The following SH3BGRL variants were observed in gnomAD, a reference collection of about 807,000 sequenced individuals.
The protein encoded by SH3BGRL is adapter SH3BGRL.
SH3BGRL carries 7 observed loss-of-function variants against 9.8 expected under a neutral mutation model. The ratio of observed to expected loss-of-function variants is 0.72; its 90% confidence interval spans 0.41 to 1.35. The LOEUF is 1.35. Among genes scored for constraint, SH3BGRL ranks in the 40% most tolerant of loss-of-function variants. SH3BGRL has a pLI of 0.01. For missense variants in SH3BGRL, 73 were observed against 84.4 expected, an observed-to-expected ratio of 0.86 and a Z score of 0.53; for synonymous variants, 36 against 29.1, an observed-to-expected ratio of 1.24 and a Z score of -0.76.
chrX:81,247,203 G>T (rs902402528), intron 1 of SH3BGRL, among the ~76,000 whole-genome samples: 1 of 111,988 alleles, frequency 8.9e-6, no homozygotes, highest in African/African-American at 3.2e-5. Flanking sequence ...TTTCCAAGAG[G>T]CTTCTGGAAG....
intron 3 of SH3BGRL, among the ~76,000 whole-genome samples, chrX:81,284,285 A>G (rs952300794): frequency 2.6e-4 from 29 of 110,758 alleles, no homozygotes; most frequent in African/African-American, 8.9e-4. Flanking sequence ...AAATACCACT[A>G]TCCTTCTTCA....
intron 1 of SH3BGRL, among the ~76,000 whole-genome samples, chrX:81,260,436 G>A (rs1192992706): frequency 9.0e-6 from 1 of 111,478 alleles, no homozygotes; most frequent in Non-Finnish European, 1.9e-5. Context: ...TTAGCACAGT[G>A]CCTGGCCCAT....
At chrX:81,233,560 A>G (rs764758781) in intron 1 of SH3BGRL, among the ~76,000 whole-genome samples, 9 of 111,388 alleles carry the variant, frequency 8.1e-5, no homozygotes, top group Non-Finnish European at 1.3e-4. Flanking sequence ...TTACACTGAC[A>G]TGACTTTGGC....
chrX:81,243,402 G>T (rs1569362461), intron 1 of SH3BGRL, among the ~76,000 whole-genome samples: 2 of 111,860 alleles, frequency 1.8e-5, no homozygotes, highest in Non-Finnish European at 3.8e-5. Context: ...GGTAGCGAGG[G>T]GGTCGGGAGG....
intron 1 of SH3BGRL, among the ~76,000 whole-genome samples, chrX:81,256,137 AG>A (rs1276512951): frequency 8.9e-6 from 1 of 112,194 alleles, no homozygotes; most frequent in East Asian, 2.8e-4. Flanking sequence ...GGATTTTCAC[AG>A]TGAACACTAG....
intron 1 of SH3BGRL, 159 bp downstream of exon 1, chrX:81,202,404 G>C: frequency 1.0e-6 from 1 of 999,495 alleles, no homozygotes; most frequent in Non-Finnish European, 1.3e-6. Context: ...TCCCTTTGTT[G>C]CATCGATTTC....
Position 81,252,388 on chromosome X carries a change from G to A in SH3BGRL, c.46-24596G>A, listed in dbSNP as rs778311032. Among the ~76,000 whole-genome samples the A allele has an allele frequency of 1.7e-4, 19 of 111,884 alleles. No homozygotes were observed. The East Asian group carries it at 5.0e-3, about 30-fold the overall frequency. ...TGTTGGATCACTAAGTGATACTTTA[G>A]AATAAATCATCTAAGATACTTTAGA... On this transcript the variant is annotated intron_variant, in intron 1 of 3. Transcript: ENST00000373212.
At chrX:81,259,761 T>G (rs2075735725) in intron 1 of SH3BGRL, among the ~76,000 whole-genome samples, 1 of 112,031 alleles carries the variant, frequency 8.9e-6, no homozygotes. Flanking sequence ...TCATTTTCTG[T>G]AGCCACCTAT....
intron 1 of SH3BGRL, among the ~76,000 whole-genome samples, chrX:81,240,247 CAG>C (rs1242938924): frequency 9.0e-6 from 1 of 111,671 alleles, no homozygotes. Context: ...AATATGTAAA[CAG>C]AAACAGCAGA....
intron 1 of SH3BGRL, among the ~76,000 whole-genome samples, chrX:81,233,113 T>A (rs191661844): frequency 9.0e-6 from 1 of 111,599 alleles, no homozygotes; most frequent in East Asian, 2.8e-4. Context: ...AAAGTGGAAA[T>A]CTTCTATAAT....
intron 1 of SH3BGRL, among the ~76,000 whole-genome samples, chrX:81,244,134 G>A (rs1190144648): frequency 9.0e-6 from 1 of 110,852 alleles, no homozygotes; most frequent in Non-Finnish European, 1.9e-5. Context: ...TAAAATCCTT[G>A]TATCTAACAT....
intron 3 of SH3BGRL, among the ~76,000 whole-genome samples, chrX:81,290,847 T>C (rs1281651955): frequency 9.0e-6 from 1 of 110,743 alleles, no homozygotes; most frequent in Non-Finnish European, 1.9e-5. Context: ...TAAATATATA[T>C]ACCTACTATG....
intron 1 of SH3BGRL, among the ~76,000 whole-genome samples, chrX:81,249,002 G>C (rs1176977083): frequency 8.9e-6 from 1 of 111,831 alleles, no homozygotes; most frequent in African/African-American, 3.3e-5. Flanking sequence ...TCACAATTCT[G>C]GTGGATTCCC....
intron 1 of SH3BGRL, among the ~76,000 whole-genome samples, chrX:81,250,090 C>A (rs2075704449): frequency 9.2e-6 from 1 of 109,033 alleles, no homozygotes; most frequent in South Asian, 3.9e-4. Context: ...TATGGACTTG[C>A]TTTTTCTTTC....
intron 3 of SH3BGRL, among the ~76,000 whole-genome samples, chrX:81,291,786 G>A (rs2075858794): frequency 8.9e-6 from 1 of 112,133 alleles, no homozygotes; most frequent in African/African-American, 3.2e-5. Flanking sequence ...ATTACAAAAG[G>A]GGGAAATTGG....
intron 1 of SH3BGRL, among the ~76,000 whole-genome samples, chrX:81,262,512 T>C (rs1315061370): frequency 9.0e-6 from 1 of 111,361 alleles, no homozygotes; most frequent in Non-Finnish European, 1.9e-5. Flanking sequence ...ATAAGAAAAG[T>C]CTGAGAAACT....
At chrX:81,246,503 C>T (rs2075689194) in intron 1 of SH3BGRL, among the ~76,000 whole-genome samples, 1 of 111,360 alleles carries the variant, frequency 9.0e-6, no homozygotes, top group Non-Finnish European at 1.9e-5. Context: ...AGGAAGGGGC[C>T]CAGATTCAAT....
chrX:81,218,860 C>A (rs1347574997), intron 1 of SH3BGRL, among the ~76,000 whole-genome samples: 1 of 107,067 alleles, frequency 9.3e-6, no homozygotes, highest in Non-Finnish European at 1.9e-5. Context: ...GTCAATGTAT[C>A]CATCTTTGCA....
At chrX:81,236,900 GGAGAGAGAGAGA>G (rs3051997) in intron 1 of SH3BGRL, among the ~76,000 whole-genome samples, 1 of 97,385 alleles carries the variant, frequency 1.0e-5, no homozygotes, top group Non-Finnish European at 2.1e-5. Flanking sequence ...AGAGGCTGAG[GGAGAGAGAGAGA>G]GAGAGAGAGA....
Sources: allele counts gnomAD v4.1 joint callset (sites outside exome capture counted in the v4.1 genomes callset), GRCh38; gene constraint gnomAD v4.1.1; transcripts MANE v1.5; gene names NCBI Gene and HGNC (gene_info 2026-07-23, HGNC 2026-07-21).